GRM1: variants seen among roughly 807,000 people sequenced by gnomAD.
The protein encoded by GRM1 is glutamate metabotropic receptor 1.
Under a neutral mutation model 90.9 loss-of-function variants are expected in GRM1, and 33 were observed. The ratio of observed to expected loss-of-function variants is 0.36; its 90% CI spans 0.28 to 0.49. GRM1 has a LOEUF of 0.49. Ranked by LOEUF, GRM1 falls within the 20% of genes least tolerant of loss-of-function variation. GRM1 has a pLI of 0.99. For synonymous variants in GRM1, 700 were observed against 613.2 expected (o/e 1.14, Z -2.09); for missense variants, 1,190 against 1,534.3 (o/e 0.78, Z 3.75).
chr6:146,434,688 CT>C lies in GRM1; in HGVS notation c.3478del (p.Ser1160ArgfsTer42). 6.2e-7 allele frequency: 1 copy of C among 1,605,550 alleles called. No individual in the cohort carries two copies. The highest frequency in any genetic ancestry group is 8.5e-7 in the Non-Finnish European group (1 of 1,179,962). On this transcript the variant is annotated frameshift_variant, in exon 8 of 8. Coordinates refer to ENST00000282753, the MANE Select transcript of GRM1 (RefSeq NM_001278064.2). LOFTEE classifies it high-confidence loss of function. ...PFRDSVASGS[S>X]VPSSPVSESV... Reference sequence around the variant, plus strand: ...TCCGCGACTCGGTGGCCTCGGGCAGCTCGGTGCCCAGCTCCCCCGTGTCCGA... The same window carrying C: ...TCCGCGACTCGGTGGCCTCGGGCAGCCGGTGCCCAGCTCCCCCGTGTCCGA...
At chr6:146,225,160 T>A (rs948879761) in intron 2 of GRM1, among the ~76,000 whole-genome samples, 2 of 152,144 alleles carry the variant, frequency 1.3e-5, no homozygotes, top group Non-Finnish European at 2.9e-5. Flanking sequence ...TCCACGGGAA[T>A]CACAGTGGCT....
At chr6:146,034,420 G>T (rs1466270083) in intron 1 of GRM1, among the ~76,000 whole-genome samples, 1 of 151,722 alleles carries the variant, frequency 6.6e-6, no homozygotes, top group East Asian at 1.9e-4. Context: ...ACATCCCAAG[G>T]TCTTTTCAGA....
intron 2 of GRM1, among the ~76,000 whole-genome samples, chr6:146,165,539 T>G (rs1777876150): frequency 6.6e-6 from 1 of 152,160 alleles, no homozygotes; most frequent in Admixed American, 6.6e-5. Context: ...GCAAGGCAGA[T>G]AAGCATTTTC....
At position 146,399,386 on chromosome 6, in the gene GRM1, G is replaced by A; in HGVS notation, c.2347G>A (p.Glu783Lys). ...KTRNVPANFN[E>K]AKYIAFTMYT... ...CCGCAACGTGCCCGCCAACTTCAACGAGGCCAAATATATCGCGTTCACCAT... is the reference window on the plus strand; with the variant it reads ...CCGCAACGTGCCCGCCAACTTCAACAAGGCCAAATATATCGCGTTCACCAT... Residue 783 changes from glutamate (E) to lysine (K), a missense_variant, in exon 7 of 8, where the codon GAG becomes AAG. Physicochemically the swap from Glu to Lys is moderately conservative, Grantham distance 56. Coordinates refer to ENST00000282753, the MANE Select transcript of GRM1 (RefSeq NM_001278064.2). The surrounding 1 kb of genome is among the most constrained non-coding windows in gnomAD (Gnocchi z 5.4). The A allele has an allele frequency of 1.2e-6, 2 of 1,614,120 alleles. No homozygotes were observed. The highest frequency in any genetic ancestry group is 1.7e-6 in the Non-Finnish European group (2 of 1,180,030).
intron 1 of GRM1, among the ~76,000 whole-genome samples, chr6:146,037,716 A>G (rs773785002): frequency 2.0e-5 from 3 of 152,022 alleles, no homozygotes; most frequent in Non-Finnish European, 4.4e-5. Flanking sequence ...CTCATAGCTC[A>G]TTGATCTCAG....
At chr6:146,365,776 A>G (rs1297403715) in intron 5 of GRM1, among the ~76,000 whole-genome samples, 1 of 152,074 alleles carries the variant, frequency 6.6e-6, no homozygotes, top group African/African-American at 2.4e-5. Flanking sequence ...CCTGACCACC[A>G]TATGCAAAAT....
At chr6:146,349,700 G>T (rs1254426250) in intron 3 of GRM1, among the ~76,000 whole-genome samples, 1 of 151,868 alleles carries the variant, frequency 6.6e-6, no homozygotes, top group African/African-American at 2.4e-5. Flanking sequence ...TGTATGTTTT[G>T]TCTACATAAT....
At chr6:146,176,745 A>G (rs1778353109) in intron 2 of GRM1, among the ~76,000 whole-genome samples, 1 of 152,066 alleles carries the variant, frequency 6.6e-6, no homozygotes, top group Non-Finnish European at 1.5e-5. Flanking sequence ...TTCTTAGAAG[A>G]GGATTAAATC....
At chr6:146,185,206 G>T (rs929584999) in intron 2 of GRM1, among the ~76,000 whole-genome samples, 1 of 152,134 alleles carries the variant, frequency 6.6e-6, no homozygotes, top group East Asian at 1.9e-4. Flanking sequence ...GAACACATAT[G>T]AATTAAAAAT....
At chr6:146,151,951 A>G (rs2128888611) in intron 1 of GRM1, among the ~76,000 whole-genome samples, 1 of 152,296 alleles carries the variant, frequency 6.6e-6, no homozygotes, top group South Asian at 2.1e-4. Flanking sequence ...CTCTGTAAAT[A>G]TTGTCACATA....
At chr6:146,057,598 A>G (rs1156318697) in intron 1 of GRM1, among the ~76,000 whole-genome samples, 1 of 152,144 alleles carries the variant, frequency 6.6e-6, no homozygotes, top group Non-Finnish European at 1.5e-5. Flanking sequence ...AACTCATTCA[A>G]ACATAAGGAA....
At chr6:146,157,442 T>C (rs1200747758) in intron 1 of GRM1, among the ~76,000 whole-genome samples, 5 of 152,128 alleles carry the variant, frequency 3.3e-5, no homozygotes, top group Admixed American at 2.6e-4. Flanking sequence ...GACGTATACA[T>C]TAAATGTGTA....
chr6:146,357,336 G>A (rs1009189632), intron 4 of GRM1, among the ~76,000 whole-genome samples, 190 bp from the exon 5 acceptor site: 1 of 152,214 alleles, frequency 6.6e-6, no homozygotes, highest in African/African-American at 2.4e-5. Flanking sequence ...GATACACAGA[G>A]ATTGAAGAAT....
rs761130301 is a variant in GRM1, at chr6:146,433,911, A to T, written c.2700A>T (p.Gly900=). The T allele has an allele frequency of 6.2e-7, 1 of 1,613,886 alleles. No individual in the cohort carries two copies. Among genetic ancestry groups the T allele is most frequent in the Non-Finnish European group, 8.5e-7 (1 of 1,179,772 alleles). The change falls in exon 8 of 8, where the codon GGA becomes GGT. Residue 900 remains glycine, a synonymous_variant. Coordinates refer to ENST00000282753, the MANE Select transcript of GRM1 (RefSeq NM_001278064.2). ...CTGTGTCATGGTCTGAACCAGGTGGAGGACAGGTGCCCAAGGGACAGCATA... is the reference window on the plus strand; with the variant it reads ...CTGTGTCATGGTCTGAACCAGGTGGTGGACAGGTGCCCAAGGGACAGCATA... The part of the protein sequence containing the change: ...GKSVSWSEPG[G]GQVPKGQHMW...
intron 2 of GRM1, among the ~76,000 whole-genome samples, chr6:146,163,928 A>G (rs1265276432): frequency 6.6e-6 from 1 of 152,120 alleles, no homozygotes; most frequent in East Asian, 1.9e-4. Flanking sequence ...TTAACATGGG[A>G]CTTTACAATG....
chr6:146,254,454 T>A (rs1781415492), intron 2 of GRM1, among the ~76,000 whole-genome samples: 1 of 152,164 alleles, frequency 6.6e-6, no homozygotes, highest in South Asian at 2.1e-4. Context: ...GACAAAAACA[T>A]GAAAGTGATG....
At chr6:146,433,548 G>C (rs1170133768) in intron 7 of GRM1, among the ~76,000 whole-genome samples, 1 of 151,886 alleles carries the variant, frequency 6.6e-6, no homozygotes, top group African/African-American at 2.4e-5. Context: ...GTGTGTGTGT[G>C]TGTGTGTGTG....
intron 2 of GRM1, among the ~76,000 whole-genome samples, chr6:146,169,886 C>T (rs1778039528): frequency 6.6e-6 from 1 of 152,176 alleles, no homozygotes; most frequent in African/African-American, 2.4e-5. Flanking sequence ...ACATACTAAC[C>T]AAGGCTTGTT....
intron 2 of GRM1, among the ~76,000 whole-genome samples, chr6:146,238,231 A>G (rs1224632110): frequency 6.6e-6 from 1 of 152,188 alleles, no homozygotes; most frequent in Non-Finnish European, 1.5e-5. Context: ...GAACTGATAA[A>G]TAAATGAAAA....
Sources: allele counts gnomAD v4.1 joint callset (sites outside exome capture counted in the v4.1 genomes callset), GRCh38; gene constraint gnomAD v4.1.1; non-coding constraint Gnocchi (gnomAD v3.1); transcripts MANE v1.5; gene names NCBI Gene and HGNC (gene_info 2026-07-23, HGNC 2026-07-21).